KHDRBS2: variants seen among roughly 807,000 people sequenced by gnomAD.
KHDRBS2 encodes the protein KH RNA binding domain containing, signal transduction associated 2, also known as KH domain-containing, RNA-binding, signal transduction-associated protein 2.
KHDRBS2 carries 26 observed loss-of-function variants against 44.3 expected under a neutral mutation model. The observed-to-expected ratio is 0.59, with a 90% CI of 0.43 to 0.81. KHDRBS2 has a LOEUF of 0.81. Ranked by LOEUF, KHDRBS2 falls within the 40% of genes least tolerant of loss-of-function variation. The pLI is 0.00. For synonymous variants in KHDRBS2, 194 were observed against 151.1 expected (o/e 1.28, Z -2.08); for missense variants, 476 against 433.1 (o/e 1.10, Z -0.88).
At chr6:61,608,865 T>A in the KHDRBS2 span, among the ~76,000 whole-genome samples, 1 of 152,314 alleles carries the variant, frequency 6.6e-6, no homozygotes, top group Admixed American at 6.5e-5. Flanking sequence ...TGGTTCCAAG[T>A]CTCTGCTATT....
the KHDRBS2 span, among the ~76,000 whole-genome samples, chr6:61,543,452 C>T: frequency 3.9e-5 from 6 of 151,904 alleles, no homozygotes; most frequent in South Asian, 2.1e-4. Flanking sequence ...ATGACAAATG[C>T]TGACAAGGAT....
the KHDRBS2 span, among the ~76,000 whole-genome samples, chr6:61,636,367 C>T: frequency 3.7e-4 from 56 of 152,036 alleles, 1 homozygote; most frequent in African/African-American, 1.3e-3. Flanking sequence ...AATTTGTCTC[C>T]CCATCTGGAG....
chr6:61,761,334 T>C (rs566785383), intron 6 of KHDRBS2, among the ~76,000 whole-genome samples: 2 of 152,350 alleles, frequency 1.3e-5, no homozygotes, highest in East Asian at 3.9e-4. Context: ...AACAAGTACA[T>C]GTCTGCTAAG....
the KHDRBS2 span, among the ~76,000 whole-genome samples, chr6:61,641,679 C>T: frequency 6.6e-6 from 1 of 152,118 alleles, no homozygotes; most frequent in Admixed American, 6.6e-5. Context: ...ACCATAAGCT[C>T]TTTGAAAACA....
chr6:61,607,519 GCA>G, the KHDRBS2 span, among the ~76,000 whole-genome samples: 9 of 23,322 alleles, frequency 3.9e-4, no homozygotes, highest in Admixed American at 6.9e-4. Context: ...TGAGTTCCAA[GCA>G]AAAAAAAAAA....
chr6:61,690,702 A>C (rs947702341), intron 8 of KHDRBS2, among the ~76,000 whole-genome samples: 4 of 151,998 alleles, frequency 2.6e-5, no homozygotes, highest in Non-Finnish European at 4.4e-5. Context: ...GTTTGATTAC[A>C]AAATACCCAG....
the KHDRBS2 span, among the ~76,000 whole-genome samples, chr6:61,674,443 G>A: frequency 4.6e-5 from 7 of 151,688 alleles, no homozygotes; most frequent in African/African-American, 1.7e-4. Flanking sequence ...TCTTAGCAGT[G>A]TGACACTACT....
At chr6:61,799,810 C>T (rs1785977082) in intron 6 of KHDRBS2, among the ~76,000 whole-genome samples, 1 of 152,038 alleles carries the variant, frequency 6.6e-6, no homozygotes, top group Non-Finnish European at 1.5e-5. Flanking sequence ...CCACATTCTT[C>T]CACTGTCAAG....
intron 7 of KHDRBS2, among the ~76,000 whole-genome samples, chr6:61,719,238 A>G (rs1771952292): frequency 6.6e-6 from 1 of 152,202 alleles, no homozygotes. Flanking sequence ...TTAAATTACT[A>G]TTAGAATCAA....
intron 2 of KHDRBS2, among the ~76,000 whole-genome samples, chr6:62,062,901 AAG>A (rs1403441825): frequency 6.7e-6 from 1 of 149,598 alleles, no homozygotes; most frequent in Admixed American, 6.7e-5. Context: ...TAAAGAAAAA[AAG>A]AGAGAAGAAT....
Position 61,848,541 on chromosome 6 carries a change from GTA to G in KHDRBS2, c.810+46092_810+46093del, listed in dbSNP as rs1194853801. ...TATGTATATATATATACATATATAT[GTA>G]TATATATACATATATATATGTATAT... On this transcript the variant is annotated intron_variant, in intron 6 of 8. Transcript: ENST00000281156. 1.2e-4 allele frequency among the ~76,000 whole-genome samples: 4 copies of G among 33,340 alleles called. 2 individuals are homozygous for G. The highest frequency in any genetic ancestry group is 2.2e-4 in the Non-Finnish European group (4 of 18,162). The allele number at this position is 33,340 out of a possible 152,430, so 21.9% of individuals were successfully genotyped here.
chr6:61,940,611 C>G (rs1811952759), intron 4 of KHDRBS2, among the ~76,000 whole-genome samples: 1 of 152,136 alleles, frequency 6.6e-6, no homozygotes, highest in Admixed American at 6.5e-5. Context: ...ATTATTGATT[C>G]TAAAGAAGCT....
chr6:62,200,612 T>G (rs893008522), intron 1 of KHDRBS2, among the ~76,000 whole-genome samples: 1 of 152,094 alleles, frequency 6.6e-6, no homozygotes, highest in Non-Finnish European at 1.5e-5. Flanking sequence ...TGTGGAGAAA[T>G]GGGAACATTT....
At chr6:61,607,534 A>AAAAAAAAAC in the KHDRBS2 span, among the ~76,000 whole-genome samples, 1 of 146,988 alleles carries the variant, frequency 6.8e-6, no homozygotes, top group Non-Finnish European at 1.5e-5. Context: ...AAAAAAAAAA[A>AAAAAAAAAC]AAAAAAAAAA....
chr6:62,085,050 A>G (rs1384187802), intron 2 of KHDRBS2, among the ~76,000 whole-genome samples: 1 of 152,174 alleles, frequency 6.6e-6, no homozygotes, highest in Non-Finnish European at 1.5e-5. Context: ...GCACAATAGT[A>G]AATTTCCAAG....
At chr6:61,793,906 C>T (rs1784968525) in intron 6 of KHDRBS2, among the ~76,000 whole-genome samples, 2 of 151,918 alleles carry the variant, frequency 1.3e-5, no homozygotes, top group Admixed American at 1.3e-4. Flanking sequence ...GTGTTAATGC[C>T]ATATATTATG....
the KHDRBS2 span, among the ~76,000 whole-genome samples, chr6:61,545,802 T>C: frequency 6.6e-6 from 1 of 151,920 alleles, no homozygotes; most frequent in Non-Finnish European, 1.5e-5. Flanking sequence ...GTAGGTCTGA[T>C]GGGATTAGTG....
intron 2 of KHDRBS2, among the ~76,000 whole-genome samples, chr6:62,101,224 CT>C (rs149724399): frequency 0.055 from 8,278 of 151,376 alleles, 303 homozygotes; most frequent in Non-Finnish European, 0.071. Context: ...GTCCTAAAAT[CT>C]TTTTTTTTCC....
At chr6:62,217,160 G>A (rs781147965) in intron 1 of KHDRBS2, among the ~76,000 whole-genome samples, 3 of 151,550 alleles carry the variant, frequency 2.0e-5, no homozygotes, top group Non-Finnish European at 3.0e-5. Flanking sequence ...GCTTAATGCA[G>A]AAGGAGCAAT....
Sources: allele counts gnomAD v4.1 joint callset (sites outside exome capture counted in the v4.1 genomes callset), GRCh38; gene constraint gnomAD v4.1.1; transcripts MANE v1.5; gene names NCBI Gene and HGNC (gene_info 2026-07-23, HGNC 2026-07-21).